TBC1D19: variants seen among roughly 807,000 people sequenced by gnomAD.
TBC1D19 encodes the protein TBC1 domain family, member 19.
TBC1D19 carries 60 observed loss-of-function variants against 89.0 expected under a neutral mutation model. The ratio of observed to expected loss-of-function variants is 0.67; its 90% CI spans 0.55 to 0.84. The LOEUF is 0.84. Ranked by LOEUF, TBC1D19 falls within the 40% of genes least tolerant of loss-of-function variation. The pLI, the probability that TBC1D19 is intolerant of heterozygous loss-of-function variation, is 0.00. For synonymous variants in TBC1D19, 189 were observed against 199.7 expected (o/e 0.95, Z 0.45); for missense variants, 500 against 610.8 (o/e 0.82, Z 1.91).
At position 26,718,035 on chromosome 4, in the gene TBC1D19, T is replaced by A. The variant is rs1279621839; in HGVS notation, c.1039+18T>A. 6.3e-7 allele frequency: 1 copy of A among 1,580,592 alleles called. No individual in the cohort carries two copies. The highest frequency in any genetic ancestry group is 1.3e-5 in the African/African-American group (1 of 74,222). The stretch of plus-strand genomic sequence containing the variant: ...CATAAGAGGTAAATTTTTAATAATT[T>A]TAAGGAAGTATTAAGACTTACATAA... On this transcript the variant is annotated intron_variant, in intron 14 of 20. Transcript: ENST00000264866.
chr4:26,627,144 G>T (rs796444818), intron 4 of TBC1D19, among the ~76,000 whole-genome samples: 2 of 151,394 alleles, frequency 1.3e-5, no homozygotes, highest in Admixed American at 1.3e-4. Context: ...GCGGTGTTTG[G>T]TTTTTTGTCC....
chr4:26,699,800 G>A (rs1385618645), intron 13 of TBC1D19, among the ~76,000 whole-genome samples: 3 of 151,438 alleles, frequency 2.0e-5, no homozygotes, highest in Admixed American at 2.0e-4. Flanking sequence ...ACTCTTAGGT[G>A]GTAATTGAAC....
At chr4:26,725,666 G>T (rs1419602380) in intron 15 of TBC1D19, among the ~76,000 whole-genome samples, 1 of 152,068 alleles carries the variant, frequency 6.6e-6, no homozygotes, top group South Asian at 2.1e-4. Flanking sequence ...GCCCACCTCA[G>T]CCTCCTAAAT....
chr4:26,706,107 G>T (rs1715722392), intron 13 of TBC1D19, among the ~76,000 whole-genome samples: 2 of 152,116 alleles, frequency 1.3e-5, no homozygotes, highest in African/African-American at 4.8e-5. Flanking sequence ...AGAAACATTG[G>T]TGTTAGCTCT....
At chr4:26,638,712 G>A (rs1743295713) in intron 5 of TBC1D19, 59 bp from the exon 6 acceptor site, 1 of 1,280,358 alleles carries the variant, frequency 7.8e-7, no homozygotes, top group African/African-American at 1.5e-5. Context: ...CTTGTTTTTA[G>A]TTGTATTGCT....
intron 11 of TBC1D19, among the ~76,000 whole-genome samples, chr4:26,675,489 C>G (rs1202352777): frequency 6.6e-6 from 1 of 152,010 alleles, no homozygotes; most frequent in Admixed American, 6.6e-5. Flanking sequence ...TATTCAATAT[C>G]TGTAAATAGA....
intron 1 of TBC1D19, among the ~76,000 whole-genome samples, chr4:26,607,041 G>A (rs955083289): frequency 6.6e-5 from 10 of 152,144 alleles, no homozygotes; most frequent in African/African-American, 2.4e-4. Flanking sequence ...CTGGATTTGT[G>A]TATGTGTGGG....
At chr4:26,726,126 AACACACACACACACACACACACACACAC>A (rs56262902) in intron 15 of TBC1D19, among the ~76,000 whole-genome samples, 7 of 127,180 alleles carry the variant, frequency 5.5e-5, no homozygotes, top group African/African-American at 1.8e-4. Context: ...CAATTCTCCC[AACACACACACACACACACACACACACAC>A]ACACACACAC....
intron 13 of TBC1D19, among the ~76,000 whole-genome samples, chr4:26,692,133 A>G (rs1459090447): frequency 6.6e-6 from 1 of 152,148 alleles, no homozygotes; most frequent in Non-Finnish European, 1.5e-5. Context: ...AGAAGCTTCA[A>G]TTCAGCCATG....
At chr4:26,581,473 G>GTGTT (rs1490698569), upstream of TBC1D19, among the ~76,000 whole-genome samples, 3 of 152,158 alleles carry the variant, frequency 2.0e-5, no homozygotes, top group Non-Finnish European at 4.4e-5. Flanking sequence ...AGAACATGGG[G>GTGTT]TGTTTGGTTT....
At position 26,714,083 on chromosome 4, in the gene TBC1D19, C is replaced by T. The variant is rs142790221; in HGVS notation, c.955-3850C>T. 5.8e-3 allele frequency among the ~76,000 whole-genome samples: 883 copies of T among 152,132 alleles called. 4 individuals are homozygous for T. Among genetic ancestry groups the T allele is most frequent in the Non-Finnish European group, 8.4e-3 (571 of 67,966 alleles). ...GCAGCGGGTCAAGCACAGTGGCTCA[C>T]GCCTGTAATCCCAGCACTTTGGAAG... On this transcript the variant is annotated intron_variant, in intron 13 of 20. Coordinates refer to ENST00000264866, the MANE Select transcript of TBC1D19 (RefSeq NM_018317.4).
intron 4 of TBC1D19, among the ~76,000 whole-genome samples, chr4:26,633,045 T>C (rs987543744): frequency 6.6e-6 from 1 of 152,180 alleles, no homozygotes; most frequent in Non-Finnish European, 1.5e-5. Flanking sequence ...CTTTCATTAT[T>C]TCCTTGATTG....
intron 11 of TBC1D19, among the ~76,000 whole-genome samples, chr4:26,683,134 A>G (rs1467264561): frequency 1.3e-5 from 2 of 152,104 alleles, no homozygotes; most frequent in Non-Finnish European, 2.9e-5. Context: ...TTATGCTTAA[A>G]CTTTTTATTT....
chr4:26,730,510 C>A (rs569496606), intron 15 of TBC1D19, among the ~76,000 whole-genome samples: 12 of 152,142 alleles, frequency 7.9e-5, no homozygotes, highest in Non-Finnish European at 1.2e-4. Flanking sequence ...AGCAGAAGTA[C>A]GAATAGAGGC....
chr4:26,700,816 CTTCCTATT>C (rs764245186), intron 13 of TBC1D19, among the ~76,000 whole-genome samples: 109 of 151,994 alleles, frequency 7.2e-4, no homozygotes, highest in Non-Finnish European at 1.3e-3. Context: ...GTAAATTGGC[CTTCCTATT>C]TTTCTCTCTT....
intron 1 of TBC1D19, among the ~76,000 whole-genome samples, chr4:26,602,505 G>T (rs1263640800): frequency 2.2e-5 from 3 of 135,100 alleles, no homozygotes; most frequent in Non-Finnish European, 3.0e-5. Flanking sequence ...GCAGTGGCAC[G>T]ATCTCAGCTC....
intron 15 of TBC1D19, among the ~76,000 whole-genome samples, chr4:26,726,978 T>G (rs928829558): frequency 5.3e-5 from 8 of 152,234 alleles, no homozygotes; most frequent in African/African-American, 1.9e-4. Flanking sequence ...CTTTATAAAA[T>G]TATTCACATT....
chr4:26,818,160 A>G, the TBC1D19 span, among the ~76,000 whole-genome samples: 2 of 151,936 alleles, frequency 1.3e-5, no homozygotes, highest in African/African-American at 4.8e-5. Context: ...AAACAAGTTC[A>G]AAGCTGCTTT....
intron 12 of TBC1D19, among the ~76,000 whole-genome samples, chr4:26,687,361 T>G (rs1713900794): frequency 6.6e-6 from 1 of 152,142 alleles, no homozygotes; most frequent in Admixed American, 6.6e-5. Flanking sequence ...CTGACCAAAG[T>G]CATACAGCTA....
Sources: gnomAD v4.1 joint callset for allele counts (sites outside exome capture counted in the v4.1 genomes callset) on GRCh38, gnomAD v4.1.1 for gene constraint, MANE v1.5 for transcripts, NCBI Gene and HGNC (gene_info 2026-07-23, HGNC 2026-07-21) for gene names.